DAPK1: variants seen among roughly 807,000 people sequenced by gnomAD.
The protein encoded by DAPK1 is death associated protein kinase 1.
DAPK1 carries 56 observed loss-of-function variants against 144.9 expected under a neutral mutation model. The ratio of observed to expected loss-of-function variants is 0.39; its 90% CI spans 0.31 to 0.48. The LOEUF (loss-of-function observed/expected upper bound fraction) is 0.48, where lower values mean the gene tolerates loss of function less well. DAPK1 is among the 20% of genes least tolerant of loss of function. The pLI is 0.95. For missense variants in DAPK1, 1,454 were observed against 1,875.4 expected, an observed-to-expected ratio of 0.78 and a Z score of 4.15; for synonymous variants, 690 against 749.0, an observed-to-expected ratio of 0.92 and a Z score of 1.29.
intron 19 of DAPK1, among the ~76,000 whole-genome samples, chr9:87,676,522 A>G (rs980939280): frequency 2.6e-5 from 4 of 152,272 alleles, no homozygotes; most frequent in Non-Finnish European, 5.9e-5. Context: ...GTCATCTGCC[A>G]GGATCAGCTG....
chr9:87,688,931 T>G (rs1824960155), intron 21 of DAPK1, among the ~76,000 whole-genome samples: 1 of 152,194 alleles, frequency 6.6e-6, no homozygotes, highest in African/African-American at 2.4e-5. Flanking sequence ...GTTCAGAAGC[T>G]CTTTAATTAG....
intron 2 of DAPK1, among the ~76,000 whole-genome samples, chr9:87,538,608 A>C (rs908963284): frequency 6.6e-6 from 1 of 152,208 alleles, no homozygotes. Context: ...GTTCTTTTAA[A>C]ATACTGAAAT....
intron 18 of DAPK1, among the ~76,000 whole-genome samples, chr9:87,660,598 A>G (rs961229600): frequency 1.3e-5 from 2 of 151,912 alleles, no homozygotes; most frequent in Admixed American, 6.6e-5. Context: ...AGCACATTGT[A>G]CCCATCAAAC....
chr9:87,635,525 C>T (rs1402241872), intron 3 of DAPK1, among the ~76,000 whole-genome samples: 1 of 152,060 alleles, frequency 6.6e-6, no homozygotes, highest in Non-Finnish European at 1.5e-5. Flanking sequence ...TGGTTAGGCT[C>T]AACCAATGGA....
intron 2 of DAPK1, among the ~76,000 whole-genome samples, chr9:87,596,475 G>T (rs1482008173): frequency 1.3e-5 from 2 of 152,216 alleles, no homozygotes; most frequent in Non-Finnish European, 2.9e-5. Context: ...GAGTTTTGTT[G>T]TTTGTGTTGA....
chr9:87,581,135 A>G (rs889620549), intron 2 of DAPK1, among the ~76,000 whole-genome samples: 2 of 152,050 alleles, frequency 1.3e-5, no homozygotes, highest in Non-Finnish European at 2.9e-5. Flanking sequence ...TCTGTTGCAC[A>G]CTCTTTCCCT....
At chr9:87,534,707 C>T (rs146163298) in intron 2 of DAPK1, among the ~76,000 whole-genome samples, 73 of 151,134 alleles carry the variant, frequency 4.8e-4, no homozygotes, top group African/African-American at 1.7e-3. Context: ...TGTAGTGGCG[C>T]GATCTGGGCT....
At position 87,706,107 on chromosome 9, in the gene DAPK1, G is replaced by C. The variant is rs754069012; in HGVS notation, c.3061-25G>C. 3 of 1,557,210 alleles carry C rather than the reference G, an allele frequency of 1.9e-6. No individual in the cohort carries two copies. Among genetic ancestry groups the C allele is most frequent in the Non-Finnish European group, 8.7e-7 (1 of 1,143,372 alleles). On this transcript the variant is annotated intron_variant, in intron 25 of 25. Coordinates refer to ENST00000408954, the MANE Select transcript of DAPK1 (RefSeq NM_004938.4). The surrounding 1 kb of genome is among the most constrained non-coding windows in gnomAD (Gnocchi z 9.0). The stretch of plus-strand genomic sequence containing the variant: ...CCTGGCCAGGGCTCTGTCCCTAAGC[G>C]TGACTTTCTGTTGTCCCCCCGCAGA...
In DAPK1 at chr9:87,706,725, C is replaced by G. The variant is rs777602050; in HGVS notation, c.3654C>G (p.Thr1218=). The G allele has an allele frequency of 1.2e-6, 2 of 1,613,040 alleles. No individual in the cohort carries two copies. Among genetic ancestry groups the G allele is most frequent in the Admixed American group, 3.3e-5 (2 of 60,022 alleles). ...CCLLLDSVCS[T]IENVMATTLP... is the part of the protein sequence containing the mutation. ...TGCTGCTGGACTCGGTGTGCAGCAC[C>G]ATTGAGAACGTCATGGCCACCACGC... The change falls in exon 26 of 26, where the codon ACC becomes ACG. Residue 1218 remains threonine, a synonymous_variant. Coordinates refer to ENST00000408954, the MANE Select transcript of DAPK1 (RefSeq NM_004938.4). This position sits in a 1 kb window ranked among gnomAD's most constrained non-coding sequence, Gnocchi z 9.0.
intron 24 of DAPK1, among the ~76,000 whole-genome samples, chr9:87,700,725 T>TC (rs1422765644): frequency 6.6e-6 from 1 of 152,110 alleles, no homozygotes; most frequent in African/African-American, 2.4e-5. Flanking sequence ...GGTCTCGAAC[T>TC]CCTAGGCTCA....
rs941365378 is a variant in DAPK1, at chr9:87,604,937, C to T, written c.63-17C>T. 2 of 1,610,076 alleles carry T rather than the reference C, an allele frequency of 1.2e-6. No homozygotes were observed. The highest frequency in any genetic ancestry group is 1.1e-5 in the South Asian group (1 of 90,968). On this transcript the variant is annotated splice_polypyrimidine_tract_variant and intron_variant, in intron 2 of 25. Transcript: ENST00000408954. ...TTTTTTATGAACGATAAAGAATCCTCCATCTTCTCTTTTCAGTGGACAGTT... is the reference window on the plus strand; with the variant it reads ...TTTTTTATGAACGATAAAGAATCCTTCATCTTCTCTTTTCAGTGGACAGTT...
chr9:87,502,681 T>G (rs1824449751), intron 2 of DAPK1, among the ~76,000 whole-genome samples: 1 of 152,202 alleles, frequency 6.6e-6, no homozygotes, highest in Admixed American at 6.5e-5. Context: ...TAATGAATCC[T>G]TCCACAATGA....
At chr9:87,557,800 G>A (rs1826772226) in intron 2 of DAPK1, among the ~76,000 whole-genome samples, 1 of 152,132 alleles carries the variant, frequency 6.6e-6, no homozygotes, top group Admixed American at 6.6e-5. Flanking sequence ...AATTAGCTCG[G>A]TGTGGTGGCA....
At position 87,537,564 on chromosome 9, in the gene DAPK1, G is replaced by C. The variant is rs148952910; in HGVS notation, c.62+38425G>C. On this transcript the variant is annotated intron_variant, in intron 2 of 25. Coordinates refer to ENST00000408954, the MANE Select transcript of DAPK1 (RefSeq NM_004938.4). ...TATGTGGAATATGGTGTGCATGTCT[G>C]GAGTATCTGGCATGTGTGTAGATGT... Among the ~76,000 whole-genome samples, 191 of 152,110 alleles carry C rather than the reference G, an allele frequency of 1.3e-3. 1 individual carries two copies. Among genetic ancestry groups the C allele is most frequent in the African/African-American group, 4.4e-3 (183 of 41,500 alleles).
At chr9:87,624,272 A>G (rs937615365) in intron 3 of DAPK1, among the ~76,000 whole-genome samples, 2 of 152,196 alleles carry the variant, frequency 1.3e-5, no homozygotes, top group Non-Finnish European at 2.9e-5. Context: ...ATGACTGACA[A>G]GGTAGTGCTG....
At chr9:87,657,967 G>A (rs1830690037) in intron 17 of DAPK1, 62 bp from the exon 18 acceptor site, 1 of 734,144 alleles carries the variant, frequency 1.4e-6, no homozygotes, top group Non-Finnish European at 2.5e-6. Context: ...TGTGTCTCCG[G>A]AATGTCATCC....
intron 3 of DAPK1, among the ~76,000 whole-genome samples, chr9:87,622,969 A>G (rs2119049238): frequency 6.6e-6 from 1 of 152,332 alleles, no homozygotes; most frequent in African/African-American, 2.4e-5. Context: ...TGAGAACTGC[A>G]GCCTCCTGTT....
In DAPK1 at chr9:87,707,326, A is replaced by C; in HGVS notation, c.4255A>C (p.Thr1419Pro). The C allele has an allele frequency of 6.2e-7, 1 of 1,611,916 alleles. No homozygotes were observed. The highest frequency in any genetic ancestry group is 8.5e-7 in the Non-Finnish European group (1 of 1,178,728). The change falls in exon 26 of 26, where the codon ACC becomes CCC. Residue 1419 changes from threonine (T) to proline (P), a missense_variant. Physicochemically the swap from Thr to Pro is conservative, Grantham distance 38. Around this residue, in one of 2 missense-constraint regions of DAPK1, gnomAD observed 1,025 missense variants for 1,237.9 expected, o/e 0.83. Transcript: ENST00000408954. This position sits in a 1 kb window ranked among gnomAD's most constrained non-coding sequence, Gnocchi z 4.0. Reference sequence around the variant, plus strand: ...CTATGCCTCGAGCTGCAACAGCGGCACCTCTTACAATTCCATTAGCTCTGT... The same window carrying C: ...CTATGCCTCGAGCTGCAACAGCGGCCCCTCTTACAATTCCATTAGCTCTGT... ...EAYASSCNSGTSYNSISSVVS... is the reference protein window; with the variant it reads ...EAYASSCNSGPSYNSISSVVS...
At chr9:87,640,708 A>T in intron 8 of DAPK1, 94 bp from the exon 9 acceptor site, 5 of 1,342,778 alleles carry the variant, frequency 3.7e-6, no homozygotes, top group Non-Finnish European at 5.4e-6. Flanking sequence ...CATTTTCCAC[A>T]GTATCTGCTT....
Sources: gnomAD v4.1 joint callset for allele counts (sites outside exome capture counted in the v4.1 genomes callset) on GRCh38, gnomAD v4.1.1 for gene constraint, gnomAD v4.1.1 regional missense constraint, Gnocchi (gnomAD v3.1) non-coding constraint, MANE v1.5 for transcripts, NCBI Gene and HGNC (gene_info 2026-07-23, HGNC 2026-07-21) for gene names.